The following NRXN2 variants were observed in gnomAD, a reference collection of about 807,000 sequenced individuals.
NRXN2 encodes the protein neurexin-2-beta.
In NRXN2, 29 loss-of-function variants were observed where a neutral mutation model predicts 128.8. The observed-to-expected ratio is 0.23, with a 90% confidence interval of 0.17 to 0.31. The LOEUF (loss-of-function observed/expected upper bound fraction) is 0.31, where lower values mean the gene tolerates loss of function less well. NRXN2 is among the 10% of genes least tolerant of loss of function. NRXN2 has a pLI of 1.00. For missense variants in NRXN2, 1,881 were observed against 2,452.6 expected, an observed-to-expected ratio of 0.77 and a Z score of 4.92; for synonymous variants, 1,098 against 1,075.2, an observed-to-expected ratio of 1.02 and a Z score of -0.41.
At chr11:64,696,364 C>T (rs1005151726) in intron 3 of NRXN2, among the ~76,000 whole-genome samples, 1 of 152,102 alleles carries the variant, frequency 6.6e-6, no homozygotes, top group Middle Eastern at 3.2e-3. Context: ...GTGGGCCACA[C>T]CACATATGCA....
intron 22 of NRXN2, among the ~76,000 whole-genome samples, chr11:64,611,699 C>G (rs1359075494): frequency 6.6e-6 from 1 of 152,324 alleles, no homozygotes; most frequent in South Asian, 2.1e-4. Context: ...CACCCTTCTG[C>G]AGCCTTCCTC....
At chr11:64,666,664 C>T (rs973432628) in intron 9 of NRXN2, among the ~76,000 whole-genome samples, 14 of 150,742 alleles carry the variant, frequency 9.3e-5, no homozygotes, top group East Asian at 5.9e-4. Context: ...CCCAGGTTCA[C>T]GCCATTCTCC....
At chr11:64,695,465 G>A (rs2054376361) in intron 3 of NRXN2, among the ~76,000 whole-genome samples, 1 of 151,576 alleles carries the variant, frequency 6.6e-6, no homozygotes, top group African/African-American at 2.4e-5. Context: ...GGACTCCTTA[G>A]AGATATAAGG....
intron 12 of NRXN2, among the ~76,000 whole-genome samples, chr11:64,652,813 G>A (rs2047662165): frequency 6.6e-6 from 1 of 152,076 alleles, no homozygotes; most frequent in Non-Finnish European, 1.5e-5. Flanking sequence ...CTGTTTCTTA[G>A]GAACTATGGC....
At chr11:64,695,600 CAG>C (rs1403985876) in intron 3 of NRXN2, among the ~76,000 whole-genome samples, 5 of 152,070 alleles carry the variant, frequency 3.3e-5, no homozygotes, top group African/African-American at 1.2e-4. Flanking sequence ...ACTGAAACCC[CAG>C]AGAGAACCAC....
Position 64,722,960 on chromosome 11 carries a change from C to A in NRXN2, c.-245+11G>T, listed in dbSNP as rs1404562824. 3.6e-5 allele frequency: 5 copies of A among 138,492 alleles called. No homozygotes were observed. The highest frequency in any genetic ancestry group is 1.1e-4 in the African/African-American group (4 of 35,418). 8.6% of individuals were successfully genotyped at this position (138,492 alleles called of 1,614,324 possible). On this transcript the variant is annotated intron_variant, in intron 1 of 22. Coordinates refer to ENST00000265459, the MANE Select transcript of NRXN2 (RefSeq NM_015080.4). ...CGTCTCCGCCGCAGCGCCCCCCCCC[C>A]CCCATTTTACCTGGTTCTCGGGGCG...
chr11:64,636,162 A>C (rs1208378944), intron 17 of NRXN2, among the ~76,000 whole-genome samples: 2 of 149,164 alleles, frequency 1.3e-5, no homozygotes, highest in Non-Finnish European at 3.0e-5. Context: ...GGAGGCAGAG[A>C]GACAGATGGA....
At chr11:64,712,774 C>A (rs1176969808) in intron 2 of NRXN2, 196 bp downstream of exon 2, 2 of 673,154 alleles carry the variant, frequency 3.0e-6, no homozygotes, top group Non-Finnish European at 5.5e-6. Context: ...CCCGCCCACT[C>A]GCCCCGCCCA....
rs975009613 is a variant in NRXN2 at position 64,606,645 on chromosome 11, C to T, written c.*551G>A. On this transcript the variant is annotated 3_prime_UTR_variant, in exon 23 of 23. Coordinates refer to ENST00000265459, the MANE Select transcript of NRXN2 (RefSeq NM_015080.4). The stretch of plus-strand genomic sequence containing the variant: ...GGCCACTCGGGCCCACCCTCCCGCC[C>T]TTCTCCCACCGACTCTGGAAACCCA... 1.3e-5 allele frequency: 2 copies of T among 148,574 alleles called. No homozygotes were observed. Among genetic ancestry groups the T allele is most frequent in the African/African-American group, 2.5e-5 (1 of 40,180 alleles). The allele number at this position is 148,574 out of a possible 1,614,324, so 9.2% of individuals were successfully genotyped here.
chr11:64,647,904 C>T (rs1200928108), intron 17 of NRXN2, among the ~76,000 whole-genome samples: 3 of 152,210 alleles, frequency 2.0e-5, no homozygotes, highest in Non-Finnish European at 4.4e-5. Flanking sequence ...GCAAGTTCAC[C>T]CCACTAAGGC....
rs1185059191 is a variant in NRXN2, at chr11:64,651,473, G to A, written c.2700C>T (p.Asp900=). Residue 900 remains aspartate (D), a synonymous_variant, in exon 14 of 23, where the codon GAC becomes GAT. Coordinates refer to ENST00000265459, the MANE Select transcript of NRXN2 (RefSeq NM_015080.4). The surrounding 1 kb of genome is among the most constrained non-coding windows in gnomAD (Gnocchi z 5.9). ...GAGCATTGAGCTCACAGTAGGTGAT[G>A]TCACCATCCTTGCACTGGTCCATGT... ...QPYMDQCKDG[D]ITYCELNARF... The A allele has an allele frequency of 6.2e-7, 1 of 1,614,184 alleles. No individual in the cohort carries two copies. The highest frequency in any genetic ancestry group is 8.5e-7 in the Non-Finnish European group (1 of 1,180,036).
intron 2 of NRXN2, among the ~76,000 whole-genome samples, chr11:64,706,611 A>G (rs915960895): frequency 2.6e-5 from 4 of 152,050 alleles, no homozygotes; most frequent in African/African-American, 9.7e-5. Context: ...GATCATCAAG[A>G]CCTGGCCTCA....
rs1047223476 is a variant in NRXN2, at chr11:64,635,953, C to A, written c.3404-501G>T. Among the ~76,000 whole-genome samples the A allele has an allele frequency of 2.6e-4, 39 of 152,066 alleles. No homozygotes were observed. Among genetic ancestry groups the A allele is most frequent in the Non-Finnish European group, 1.6e-4 (11 of 67,988 alleles). On this transcript the variant is annotated intron_variant, in intron 17 of 22. Transcript: ENST00000265459. This position sits in a 1 kb window ranked among gnomAD's most constrained non-coding sequence, Gnocchi z 4.8. ...AGCTGTGTGCAGCTCTGACTCACGG[C>A]CAGAGCTGGCGCCCTCCAACATCTC...
chr11:64,685,853 T>C lies in NRXN2; in HGVS notation c.945A>G (p.Thr315=). The part of the protein sequence containing the change: ...NPIQSSTDEI[T]LAFRTLQRNG... Reference sequence around the variant, plus strand: ...TGCGTTGCAGGGTGCGGAAGGCCAGTGTGATCTCATCAGTGCTGCTCTGGA... The same window carrying C: ...TGCGTTGCAGGGTGCGGAAGGCCAGCGTGATCTCATCAGTGCTGCTCTGGA... Residue 315 remains threonine (T), a synonymous_variant, in exon 6 of 23, where the codon ACA becomes ACG. Coordinates refer to ENST00000265459, the MANE Select transcript of NRXN2 (RefSeq NM_015080.4). The C allele has an allele frequency of 6.2e-7, 1 of 1,614,194 alleles. No individual in the cohort carries two copies. Among genetic ancestry groups the C allele is most frequent in the Non-Finnish European group, 8.5e-7 (1 of 1,180,036 alleles).
Position 64,713,514 on chromosome 11 carries a change from C to T in NRXN2, c.186G>A (p.Thr62=), listed in dbSNP as rs1484808450. 6.6e-7 allele frequency: 1 copy of T among 1,514,224 alleles called. No individual in the cohort carries two copies. The highest frequency in any genetic ancestry group is 2.0e-5 in the Admixed American group (1 of 49,254). 93.8% of individuals were successfully genotyped at this position (1,514,224 alleles called of 1,614,324 possible). ...ELSFSLRTNA[T]RALLLYLDDG... Reference sequence around the variant, plus strand: ...CGTCCAGGTAGAGCAGCAGCGCGCGCGTGGCGTTGGTGCGCAGGCTGAAGC... The same window carrying T: ...CGTCCAGGTAGAGCAGCAGCGCGCGTGTGGCGTTGGTGCGCAGGCTGAAGC... The change falls in exon 2 of 23, where the codon ACG becomes ACA. Residue 62 remains threonine, a synonymous_variant. Coordinates refer to ENST00000265459, the MANE Select transcript of NRXN2 (RefSeq NM_015080.4).
At chr11:64,682,625 T>C (rs2052474821) in intron 6 of NRXN2, among the ~76,000 whole-genome samples, 1 of 152,206 alleles carries the variant, frequency 6.6e-6, no homozygotes, top group South Asian at 2.1e-4. Context: ...GGAAGCACCA[T>C]GTGATATTTC....
At chr11:64,636,312 G>A (rs2044709606) in intron 17 of NRXN2, among the ~76,000 whole-genome samples, 1 of 151,472 alleles carries the variant, frequency 6.6e-6, no homozygotes, top group Non-Finnish European at 1.5e-5. Context: ...TGCTGGGGGC[G>A]GGTGTGAGGT....
At chr11:64,617,591 C>A (rs2041731944) in intron 22 of NRXN2, among the ~76,000 whole-genome samples, 1 of 152,178 alleles carries the variant, frequency 6.6e-6, no homozygotes, top group South Asian at 2.1e-4. Flanking sequence ...CAGAAATGAT[C>A]CCAGACCCAG....
rs1396130409 is a variant in NRXN2 at position 64,606,999 on chromosome 11, G to A, written c.*197C>T. 9 of 614,088 alleles carry A rather than the reference G, an allele frequency of 1.5e-5. No individual in the cohort carries two copies. In the Admixed American group the frequency reaches 1.5e-4, roughly 10 times the overall value. 38.0% of individuals were successfully genotyped at this position (614,088 alleles called of 1,614,324 possible). Reference sequence around the variant, plus strand: ...AGGGACAGTCAGCCCCGGGACTGACGAGGCCGCGCAGTGGACGGCAGGAGG... The same window carrying A: ...AGGGACAGTCAGCCCCGGGACTGACAAGGCCGCGCAGTGGACGGCAGGAGG... On this transcript the variant is annotated 3_prime_UTR_variant, in exon 23 of 23. Transcript: ENST00000265459.
Sources: gnomAD v4.1 joint callset for allele counts (sites outside exome capture counted in the v4.1 genomes callset) on GRCh38, gnomAD v4.1.1 for gene constraint, Gnocchi (gnomAD v3.1) non-coding constraint, MANE v1.5 for transcripts, NCBI Gene and HGNC (gene_info 2026-07-23, HGNC 2026-07-21) for gene names.